The following STOX2 variants were observed in gnomAD, a reference collection of about 807,000 sequenced individuals.
STOX2 encodes storkhead-box protein 2.
In STOX2, 28 loss-of-function variants were observed where a neutral mutation model predicts 60.9. The observed-to-expected ratio is 0.46, with a 90% CI of 0.34 to 0.63. The LOEUF (loss-of-function observed/expected upper bound fraction) is 0.63, where lower values mean the gene tolerates loss of function less well. Ranked by LOEUF, STOX2 falls within the 30% of genes least tolerant of loss-of-function variation. STOX2 has a pLI of 0.01. For synonymous variants in STOX2, 472 were observed against 463.9 expected (o/e 1.02, Z -0.22); for missense variants, 1,024 against 1,187.7 (o/e 0.86, Z 2.03).
chr4:183,798,512 C>T, intron 1 of STOX2: 1 of 593,702 alleles, frequency 1.7e-6, no homozygotes, highest in Non-Finnish European at 2.1e-6. Context: ...TCAGGTGCGC[C>T]CGGGACGCCC....
intron 1 of STOX2, among the ~76,000 whole-genome samples, chr4:183,843,175 A>G (rs1739908083): frequency 6.6e-6 from 1 of 151,860 alleles, no homozygotes; most frequent in African/African-American, 2.4e-5. Context: ...AAAAAGAAAA[A>G]GAAAAAGAAA....
At chr4:183,867,966 C>G (rs1740609182) in intron 1 of STOX2, among the ~76,000 whole-genome samples, 1 of 152,184 alleles carries the variant, frequency 6.6e-6, no homozygotes, top group African/African-American at 2.4e-5. Flanking sequence ...TTTTTTATTC[C>G]TGTAGTGTAA....
chr4:183,866,511 T>G (rs1436915094), intron 1 of STOX2, among the ~76,000 whole-genome samples: 1 of 152,188 alleles, frequency 6.6e-6, no homozygotes, highest in Non-Finnish European at 1.5e-5. Context: ...GCCTGATTTA[T>G]GAAGAAGAGG....
At position 183,980,214 on chromosome 4, in the gene STOX2, G is replaced by A. The variant is rs149005194; in HGVS notation, c.167-21111G>A. ...GATCCAACTTCCATGAGGTGATATA[G>A]GGAGGTGATACTGAGGATGAGGCTA... On this transcript the variant is annotated intron_variant, in intron 1 of 3. Coordinates refer to ENST00000308497, the MANE Select transcript of STOX2 (RefSeq NM_020225.3). Among the ~76,000 whole-genome samples the A allele has an allele frequency of 8.8e-4, 134 of 152,260 alleles. 1 individual carries two copies. The highest frequency in any genetic ancestry group is 7.7e-3 in the South Asian group (37 of 4,824).
At chr4:183,996,265 C>T (rs1326763572) in intron 1 of STOX2, among the ~76,000 whole-genome samples, 2 of 152,182 alleles carry the variant, frequency 1.3e-5, no homozygotes, top group South Asian at 2.1e-4. Context: ...TTTTTTAGAA[C>T]AATAGGACAG....
At chr4:183,838,088 A>G (rs1200432965) in intron 1 of STOX2, among the ~76,000 whole-genome samples, 1 of 151,886 alleles carries the variant, frequency 6.6e-6, no homozygotes, top group African/African-American at 2.4e-5. Context: ...TTACGGTAAA[A>G]ATATGTTAAA....
intron 1 of STOX2, among the ~76,000 whole-genome samples, chr4:184,000,026 T>C (rs1733518254): frequency 6.6e-6 from 1 of 152,244 alleles, no homozygotes; most frequent in East Asian, 1.9e-4. Context: ...TAACAGACCC[T>C]GTGAGCCCTT....
At chr4:183,868,725 C>T (rs904546940) in intron 1 of STOX2, among the ~76,000 whole-genome samples, 3 of 152,212 alleles carry the variant, frequency 2.0e-5, no homozygotes, top group African/African-American at 7.2e-5. Flanking sequence ...GAATTCAAGA[C>T]TTCATGGAAT....
At chr4:184,007,843 G>C (rs766726311) in intron 2 of STOX2, among the ~76,000 whole-genome samples, 1 of 152,128 alleles carries the variant, frequency 6.6e-6, no homozygotes, top group Non-Finnish European at 1.5e-5. Context: ...GACATCAGTC[G>C]TATTCGATTA....
At chr4:183,968,804 G>A (rs1457309001) in intron 1 of STOX2, among the ~76,000 whole-genome samples, 3 of 151,928 alleles carry the variant, frequency 2.0e-5, no homozygotes, top group Non-Finnish European at 4.4e-5. Flanking sequence ...GGAGGGGAGG[G>A]TGGATAGAAA....
intron 1 of STOX2, among the ~76,000 whole-genome samples, chr4:183,971,821 G>C (rs1297864572): frequency 6.6e-6 from 1 of 152,240 alleles, no homozygotes; most frequent in Non-Finnish European, 1.5e-5. Context: ...CTAAAAAGTA[G>C]TGATGGATTC....
At chr4:183,843,788 C>T (rs1242657960) in intron 1 of STOX2, among the ~76,000 whole-genome samples, 17 of 152,170 alleles carry the variant, frequency 1.1e-4, no homozygotes. Flanking sequence ...AAGAACATTT[C>T]AAAAGGATGA....
intron 1 of STOX2, among the ~76,000 whole-genome samples, chr4:183,994,926 G>T (rs1285755699): frequency 6.6e-6 from 1 of 151,532 alleles, no homozygotes; most frequent in Non-Finnish European, 1.5e-5. Context: ...ATGGAATGTT[G>T]GTGCTTGAAA....
At chr4:183,848,617 G>T in intron 1 of STOX2, among the ~76,000 whole-genome samples, 1 of 152,150 alleles carries the variant, frequency 6.6e-6, no homozygotes, top group East Asian at 1.9e-4. Context: ...GTGGACAATG[G>T]CTAGATAGAA....
Position 184,010,746 on chromosome 4 carries a change from C to G in STOX2, c.1908C>G (p.Leu636=). ...CTTTGGCAGAAGGGGTGAAAAAGCT[C>G]TCCCCTTCTGATAGGCAGGTCCCCC... ...TLTLAEGVKK[L]SPSDRQVPHS... Residue 636 remains leucine, a synonymous_variant, in exon 3 of 4, where the codon CTC becomes CTG. Coordinates refer to ENST00000308497, the MANE Select transcript of STOX2 (RefSeq NM_020225.3). This position sits in a 1 kb window ranked among gnomAD's most constrained non-coding sequence, Gnocchi z 4.5. The G allele has an allele frequency of 6.3e-7, 1 of 1,589,658 alleles. No individual in the cohort carries two copies. Among genetic ancestry groups the G allele is most frequent in the South Asian group, 1.2e-5 (1 of 86,048 alleles).
intron 1 of STOX2, among the ~76,000 whole-genome samples, chr4:183,972,929 C>G (rs2111177878): frequency 6.6e-6 from 1 of 151,968 alleles, no homozygotes; most frequent in East Asian, 1.9e-4. Flanking sequence ...AATTTTAGAA[C>G]TGAAATATAT....
intron 1 of STOX2, among the ~76,000 whole-genome samples, chr4:183,816,709 A>C (rs1739162342): frequency 1.3e-5 from 2 of 152,214 alleles, no homozygotes; most frequent in Non-Finnish European, 2.9e-5. Context: ...TGGAAACATC[A>C]CTTTTCTTCC....
At chr4:183,938,406 C>T (rs6819807) in intron 1 of STOX2, among the ~76,000 whole-genome samples, 87,388 of 151,464 alleles carry the variant, frequency 0.58, 27,864 homozygotes, top group Non-Finnish European at 0.72. Flanking sequence ...CGGTGGCTCA[C>T]GCTTGTAATC....
At chr4:183,969,565 G>A (rs780911894) in intron 1 of STOX2, among the ~76,000 whole-genome samples, 15 of 152,074 alleles carry the variant, frequency 9.9e-5, no homozygotes, top group South Asian at 2.1e-4. Context: ...ACCATACCCC[G>A]CTAGATTTCT....
Sources: gnomAD v4.1 joint callset for allele counts (sites outside exome capture counted in the v4.1 genomes callset) on GRCh38, gnomAD v4.1.1 for gene constraint, Gnocchi (gnomAD v3.1) non-coding constraint, MANE v1.5 for transcripts, NCBI Gene and HGNC (gene_info 2026-07-23, HGNC 2026-07-21) for gene names.